The following TMEM217 variants were observed in gnomAD, a reference collection of about 807,000 sequenced individuals.
TMEM217 encodes the protein chromosome 6 open reading frame 128.
For synonymous variants in TMEM217, 76 were observed against 88.3 expected (o/e 0.86, Z 0.78); for missense variants, 204 against 248.8 (o/e 0.82, Z 1.21).
At chr6:37,216,571 A>G (rs894899036), downstream of TMEM217, among the ~76,000 whole-genome samples, 2 of 152,208 alleles carry the variant, frequency 1.3e-5, no homozygotes, top group African/African-American at 4.8e-5. Context: ...GAGCACCTGG[A>G]TGGAGGACAG....
At chr6:37,234,521 A>G (rs1010299109) in intron 1 of TMEM217, among the ~76,000 whole-genome samples, 1 of 152,152 alleles carries the variant, frequency 6.6e-6, no homozygotes, top group Non-Finnish European at 1.5e-5. Flanking sequence ...GCCACTAGTG[A>G]TGATACAGTT....
intron 1 of TMEM217, among the ~76,000 whole-genome samples, chr6:37,225,093 C>T (rs147554931): frequency 0.012 from 1,880 of 151,600 alleles, 31 homozygotes; most frequent in Middle Eastern, 0.068. Flanking sequence ...TCAGCTACTC[C>T]GGAGGCTGAG....
At chr6:37,250,309 G>C (rs1282535101) in intron 1 of TMEM217, among the ~76,000 whole-genome samples, 5 of 152,186 alleles carry the variant, frequency 3.3e-5, no homozygotes, top group Non-Finnish European at 7.4e-5. Context: ...AGGCTTCTAA[G>C]GTATTGGTAA....
exon 4 of TMEM217, chr6:37,212,506 C>A (rs1174018200): frequency 1.1e-5 from 5 of 456,926 alleles, no homozygotes; most frequent in African/African-American, 2.0e-5. Context: ...GCGTTTCCTG[C>A]CCACAGTCTG....
At chr6:37,224,819 A>C (rs1318036351) in intron 1 of TMEM217, among the ~76,000 whole-genome samples, 1 of 152,118 alleles carries the variant, frequency 6.6e-6, no homozygotes, top group Non-Finnish European at 1.5e-5. Context: ...TAAAAATCAA[A>C]ACCAAGCAAA....
exon 2 of TMEM217, chr6:37,218,745 T>C: frequency 1.2e-6 from 2 of 1,614,188 alleles, no homozygotes; most frequent in South Asian, 1.1e-5. Context: ...ACAATGTAGA[T>C]GACCAGGCCC....
At chr6:37,240,735 A>C (rs1266301641) in intron 1 of TMEM217, among the ~76,000 whole-genome samples, 1 of 152,138 alleles carries the variant, frequency 6.6e-6, no homozygotes, top group Non-Finnish European at 1.5e-5. Flanking sequence ...AACATGATTA[A>C]TTTAAAACAG....
chr6:37,237,551 T>C (rs1229689228), intron 1 of TMEM217, among the ~76,000 whole-genome samples: 1 of 152,208 alleles, frequency 6.6e-6, no homozygotes, highest in Non-Finnish European at 1.5e-5. Flanking sequence ...TAGAATCATA[T>C]GCAAAGCTTG....
At chr6:37,214,334 T>G (rs1763071211), downstream of TMEM217, among the ~76,000 whole-genome samples, 1 of 152,126 alleles carries the variant, frequency 6.6e-6, no homozygotes, top group African/African-American at 2.4e-5. Context: ...ATGAAGCGAT[T>G]CTCATGCCTC....
intron 1 of TMEM217, among the ~76,000 whole-genome samples, chr6:37,229,335 GTT>G (rs372385535): frequency 5.4e-5 from 4 of 74,368 alleles, no homozygotes; most frequent in Non-Finnish European, 7.0e-5. Context: ...GCAACTTTCA[GTT>G]TTTTTTTTTT....
intron 1 of TMEM217, among the ~76,000 whole-genome samples, chr6:37,233,513 G>A (rs1256556660): frequency 6.6e-6 from 1 of 152,240 alleles, no homozygotes; most frequent in African/African-American, 2.4e-5. Flanking sequence ...GCAAGAGGCA[G>A]CTCTCTGAAT....
At chr6:37,235,376 T>TA (rs1167016362) in intron 1 of TMEM217, among the ~76,000 whole-genome samples, 3 of 151,944 alleles carry the variant, frequency 2.0e-5, no homozygotes, top group African/African-American at 7.3e-5. Flanking sequence ...TTATTATTAT[T>TA]TTTTTTTGAG....
chr6:37,212,366 T>C (rs1355111526), exon 4 of TMEM217: 10 of 370,030 alleles, frequency 2.7e-5, no homozygotes, highest in Non-Finnish European at 5.3e-5. Flanking sequence ...GAGGGTTCCA[T>C]TGTTGAGGAA....
At chr6:37,229,152 G>A (rs1314802762) in intron 1 of TMEM217, among the ~76,000 whole-genome samples, 1 of 152,016 alleles carries the variant, frequency 6.6e-6, no homozygotes, top group Non-Finnish European at 1.5e-5. Flanking sequence ...GTTTCAAGAG[G>A]GAGGTGTATT....
chr6:37,215,175 C>T (rs1554168919), downstream of TMEM217: 4 of 1,610,844 alleles, frequency 2.5e-6, no homozygotes, highest in Non-Finnish European at 2.5e-6. Context: ...TCCTCTGGTA[C>T]ATTCTATTCA....
intron 1 of TMEM217, among the ~76,000 whole-genome samples, chr6:37,228,967 A>C (rs1764013710): frequency 6.6e-6 from 1 of 151,968 alleles, no homozygotes; most frequent in Non-Finnish European, 1.5e-5. Flanking sequence ...ACTGCACTCC[A>C]GCCTGGGTGA....
At chr6:37,234,924 A>G (rs1275226874) in intron 1 of TMEM217, among the ~76,000 whole-genome samples, 1 of 152,172 alleles carries the variant, frequency 6.6e-6, no homozygotes, top group Non-Finnish European at 1.5e-5. Context: ...ACCCATGCAC[A>G]ATTTTAATAA....
chr6:37,217,693 A>G, exon 2 of TMEM217: 1 of 985,322 alleles, frequency 1.0e-6, no homozygotes, highest in Non-Finnish European at 1.2e-6. Flanking sequence ...AACAGAAGAC[A>G]CAGTGGGGAA....
intron 1 of TMEM217, among the ~76,000 whole-genome samples, chr6:37,240,258 T>A (rs906479015): frequency 3.9e-5 from 6 of 152,198 alleles, no homozygotes; most frequent in African/African-American, 1.4e-4. Context: ...TGGTTCTGGT[T>A]CAAGGTTTCT....
Sources: gnomAD v4.1 joint callset for allele counts (sites outside exome capture counted in the v4.1 genomes callset) on GRCh38, gnomAD v4.1.1 for gene constraint, MANE v1.5 for transcripts, NCBI Gene and HGNC (gene_info 2026-07-23, HGNC 2026-07-21) for gene names.